ANO4: variants seen among roughly 807,000 people sequenced by gnomAD.
The protein encoded by ANO4 is anoctamin-4.
A neutral mutation model predicts 141.9 loss-of-function variants in ANO4; 69 were observed. The ratio of observed to expected loss-of-function variants is 0.49; its 90% confidence interval spans 0.40 to 0.59. The LOEUF is 0.59. Ranked by LOEUF, ANO4 falls within the 20% of genes least tolerant of loss-of-function variation. The pLI is 0.00. For missense variants in ANO4, 894 were observed against 1,162.2 expected, an observed-to-expected ratio of 0.77 and a Z score of 3.36; for synonymous variants, 350 against 394.3, an observed-to-expected ratio of 0.89 and a Z score of 1.33.
intron 22 of ANO4, among the ~76,000 whole-genome samples, chr12:101,103,032 ATAT>A (rs1481153887): frequency 6.6e-6 from 1 of 151,082 alleles, no homozygotes; most frequent in Non-Finnish European, 1.5e-5. Flanking sequence ...ATATACAGAA[ATAT>A]TGTTGTTTTG....
intron 1 of ANO4, among the ~76,000 whole-genome samples, chr12:100,799,614 G>A (rs575668137): frequency 3.7e-4 from 57 of 152,146 alleles, no homozygotes; most frequent in Non-Finnish European, 6.3e-4. Flanking sequence ...GGTGGGGCGC[G>A]CCTGTAATCC....
intron 21 of ANO4, among the ~76,000 whole-genome samples, chr12:101,099,021 C>T (rs567754238): frequency 2.4e-4 from 37 of 152,254 alleles, no homozygotes; most frequent in African/African-American, 8.4e-4. Flanking sequence ...CCTGTGCTAA[C>T]CTTACCAATG....
intron 3 of ANO4, among the ~76,000 whole-genome samples, chr12:100,925,563 G>A (rs1001323706): frequency 2.6e-5 from 4 of 151,518 alleles, no homozygotes; most frequent in Admixed American, 2.6e-4. Context: ...GTTGATAGGT[G>A]CAGCAAACCA....
At chr12:101,028,979 C>T (rs2046854095) in intron 9 of ANO4, among the ~76,000 whole-genome samples, 1 of 152,138 alleles carries the variant, frequency 6.6e-6, no homozygotes. Context: ...TAACAATGCA[C>T]CTCTCAGCAG....
chr12:100,790,089 G>A (rs983943753), upstream of ANO4, among the ~76,000 whole-genome samples: 1 of 152,150 alleles, frequency 6.6e-6, no homozygotes, highest in Non-Finnish European at 1.5e-5. Context: ...TCCAGGGAGA[G>A]AAGCAGGAAG....
At chr12:100,839,214 C>G (rs1232708540) in intron 1 of ANO4, among the ~76,000 whole-genome samples, 3 of 152,030 alleles carry the variant, frequency 2.0e-5, no homozygotes, top group Non-Finnish European at 4.4e-5. Context: ...GGATTTGTAC[C>G]AGAACTTGCA....
At chr12:101,067,795 T>G (rs145953610) in intron 14 of ANO4, among the ~76,000 whole-genome samples, 357 of 152,376 alleles carry the variant, frequency 2.3e-3, no homozygotes, top group African/African-American at 8.2e-3. Flanking sequence ...CATTTTGTCC[T>G]GCCATGCAGA....
At chr12:100,911,459 C>G (rs1301985009) in intron 2 of ANO4, among the ~76,000 whole-genome samples, 1 of 152,120 alleles carries the variant, frequency 6.6e-6, no homozygotes, top group Non-Finnish European at 1.5e-5. Flanking sequence ...AAGAAGGGAC[C>G]AGTTAGGTTC....
At chr12:101,068,610 C>T in intron 14 of ANO4, 1 of 1,418,342 alleles carries the variant, frequency 7.1e-7, no homozygotes, top group African/African-American at 1.4e-5. Flanking sequence ...CTGATGCAGT[C>T]CTTTTTACTG....
At position 100,901,729 on chromosome 12, in the gene ANO4, C is replaced by T. The variant is rs760437957; in HGVS notation, c.-57C>T. On this transcript the variant is annotated 5_prime_UTR_variant, in exon 2 of 28. Coordinates refer to ENST00000392977, the MANE Select transcript of ANO4 (RefSeq NM_001286615.2). ...TGTGGCAAGCCGCCCAGCGTCACGT[C>T]GTCGCCTGCCTGTGGTCAGGCATTC... 1.7e-5 allele frequency: 26 copies of T among 1,516,486 alleles called. No individual in the cohort carries two copies. The African/African-American group carries it at 2.5e-4, about 14-fold the overall frequency. 93.9% of individuals were successfully genotyped at this position (1,516,486 alleles called of 1,614,324 possible).
chr12:100,919,181 C>T (rs2041489461), intron 2 of ANO4, among the ~76,000 whole-genome samples: 1 of 151,988 alleles, frequency 6.6e-6, no homozygotes, highest in African/African-American at 2.4e-5. Flanking sequence ...AAAGTAAAAA[C>T]TTACCATAAG....
intron 14 of ANO4, among the ~76,000 whole-genome samples, chr12:101,073,956 C>T (rs1367787104): frequency 1.3e-5 from 2 of 152,014 alleles, no homozygotes; most frequent in African/African-American, 4.8e-5. Context: ...GAAAATGGAG[C>T]AGAAAAAGCA....
At chr12:100,966,870 T>C (rs1392306250) in intron 5 of ANO4, among the ~76,000 whole-genome samples, 1 of 142,564 alleles carries the variant, frequency 7.0e-6, no homozygotes, top group African/African-American at 2.7e-5. Context: ...TGTATATATA[T>C]ATACACACAC....
chr12:100,729,094 GTTGTGT>G (rs1721366693), intron 1 of ANO4, among the ~76,000 whole-genome samples: 1 of 151,940 alleles, frequency 6.6e-6, no homozygotes, highest in African/African-American at 2.4e-5. Context: ...ATATAATTCA[GTTGTGT>G]TTGTTGTTGA....
chr12:100,886,961 G>T (rs2039864332), intron 1 of ANO4, among the ~76,000 whole-genome samples: 1 of 152,172 alleles, frequency 6.6e-6, no homozygotes, highest in African/African-American at 2.4e-5. Flanking sequence ...CATAGATTCT[G>T]CCTTTTTCAT....
intron 7 of ANO4, among the ~76,000 whole-genome samples, chr12:100,977,278 A>G (rs1465235115): frequency 6.6e-6 from 1 of 152,026 alleles, no homozygotes; most frequent in Non-Finnish European, 1.5e-5. Context: ...CCTTTCTTCT[A>G]TCCTCTAGCA....
chr12:101,126,029 G>T (rs1482356074), intron 26 of ANO4, among the ~76,000 whole-genome samples: 1 of 148,668 alleles, frequency 6.7e-6, no homozygotes. Context: ...CTTTTTAAAA[G>T]GCTGCCTTAT....
chr12:100,738,466 G>A (rs1261564848), intron 2 of ANO4, among the ~76,000 whole-genome samples: 1 of 152,082 alleles, frequency 6.6e-6, no homozygotes, highest in Non-Finnish European at 1.5e-5. Context: ...AGTAAATGAT[G>A]TAGAAATTTC....
chr12:101,024,323 C>T (rs996747633), intron 9 of ANO4, among the ~76,000 whole-genome samples: 1 of 152,216 alleles, frequency 6.6e-6, no homozygotes, highest in South Asian at 2.1e-4. Flanking sequence ...AGGCCAGGCA[C>T]GGTGGCTCAT....
Sources: gnomAD v4.1 joint callset for allele counts (sites outside exome capture counted in the v4.1 genomes callset) on GRCh38, gnomAD v4.1.1 for gene constraint, MANE v1.5 for transcripts, NCBI Gene and HGNC (gene_info 2026-07-23, HGNC 2026-07-21) for gene names.